DHX30: variants seen among roughly 807,000 people sequenced by gnomAD.
The protein encoded by DHX30 is DExH-box helicase 30.
In DHX30, 4 loss-of-function variants were observed where a neutral mutation model predicts 116.9. That is an observed-to-expected ratio of 0.03 (90% CI 0.02 to 0.08). The LOEUF (loss-of-function observed/expected upper bound fraction) is 0.08, where lower values mean the gene tolerates loss of function less well. Ranked by LOEUF, DHX30 falls within the 10% of genes least tolerant of loss-of-function variation. The probability of loss-of-function intolerance (pLI) is 1.00; values close to 1 mark genes in which losing one functional copy is unlikely to be tolerated. For missense variants in DHX30, 871 were observed against 1,595.1 expected (o/e 0.55, Z 7.73); for synonymous variants, 697 against 651.7 (o/e 1.07, Z -1.06).
At chr3:47,825,144 C>G (rs1339403954) in intron 4 of DHX30, 1 of 673,766 alleles carries the variant, frequency 1.5e-6, no homozygotes. Flanking sequence ...CGCGCGGCTT[C>G]TCTTCAAGCT....
In DHX30 at chr3:47,828,000, A is replaced by C. The variant is rs1283526628; in HGVS notation, c.255+523A>C. Among the ~76,000 whole-genome samples, 3 of 152,184 alleles carry C rather than the reference A, an allele frequency of 2.0e-5. No individual in the cohort carries two copies. In the East Asian group the frequency reaches 5.8e-4, roughly 30 times the overall value. ...CAGCCTCCAAAGTAGCTGGGACTAC[A>C]GACAGGTGCCACCACACTCGTCTAA... On this transcript the variant is annotated intron_variant, in intron 5 of 21. Transcript: ENST00000445061.
At chr3:47,832,436 G>A (rs2036902649) in intron 6 of DHX30, among the ~76,000 whole-genome samples, 1 of 152,036 alleles carries the variant, frequency 6.6e-6, no homozygotes, top group African/African-American at 2.4e-5. Context: ...TCAGCTTCCA[G>A]GTAGCTGGGA....
intron 6 of DHX30, among the ~76,000 whole-genome samples, chr3:47,837,008 C>T (rs1559710569): frequency 1.3e-5 from 2 of 152,190 alleles, no homozygotes; most frequent in South Asian, 2.1e-4. Context: ...GTGAGACGTG[C>T]TGGCAGCACA....
intron 2 of DHX30, among the ~76,000 whole-genome samples, chr3:47,809,981 A>G (rs2035719841): frequency 6.6e-6 from 1 of 152,216 alleles, no homozygotes; most frequent in Non-Finnish European, 1.5e-5. Context: ...CTCTAAGTAT[A>G]GTCCTCAGTT....
chr3:47,836,601 G>C (rs373004883), intron 6 of DHX30, among the ~76,000 whole-genome samples: 4 of 151,630 alleles, frequency 2.6e-5, no homozygotes, highest in Non-Finnish European at 5.9e-5. Flanking sequence ...TCACTGCAAC[G>C]TTCACGTCCT....
At chr3:47,825,011 G>A (rs993724127) in intron 4 of DHX30, 11 of 615,364 alleles carry the variant, frequency 1.8e-5, no homozygotes, top group African/African-American at 1.4e-4. Flanking sequence ...TCCCTGCCGC[G>A]CACAGGCCTC....
chr3:47,818,189 C>A, intron 4 of DHX30, 72 bp downstream of exon 4: 1 of 735,064 alleles, frequency 1.4e-6, no homozygotes, highest in South Asian at 1.5e-5. Flanking sequence ...CAATGGGAGC[C>A]CTGGTGCCAG....
At chr3:47,835,170 ATTTT>A (rs552610417) in intron 6 of DHX30, among the ~76,000 whole-genome samples, 1 of 106,490 alleles carries the variant, frequency 9.4e-6, no homozygotes, top group Non-Finnish European at 2.0e-5. Context: ...TGCCTGGCTA[ATTTT>A]TTTTTTTTTT....
intron 9 of DHX30, among the ~76,000 whole-genome samples, chr3:47,844,938 T>G (rs889936504): frequency 6.6e-6 from 1 of 151,816 alleles, no homozygotes; most frequent in Non-Finnish European, 1.5e-5. Context: ...GGAGGCGGGA[T>G]GGAAGGATTA....
At position 47,803,148 on chromosome 3, in the gene DHX30, C is replaced by A. The variant is rs900260451; in HGVS notation, c.-187C>A. 2 of 393,928 alleles carry A rather than the reference C, an allele frequency of 5.1e-6. No homozygotes were observed. 24.4% of individuals were successfully genotyped at this position (393,928 alleles called of 1,614,324 possible). ...CCGCTGCTGGGAGTTGTAGTCCGGC[C>A]GTGGTTGGGGGAGCCGCGGCTCATG... is the stretch of plus-strand genomic sequence containing the variant. On this transcript the variant is annotated 5_prime_UTR_variant, in exon 1 of 22. Coordinates refer to ENST00000445061, the MANE Select transcript of DHX30 (RefSeq NM_138615.3).
intron 6 of DHX30, among the ~76,000 whole-genome samples, chr3:47,839,646 G>A (rs1446952243): frequency 1.3e-5 from 2 of 151,784 alleles, no homozygotes; most frequent in Non-Finnish European, 2.9e-5. Flanking sequence ...AGTTGTATCC[G>A]TTTCATGGTG....
rs189595738 is a variant in DHX30 at position 47,814,811 on chromosome 3, C to T, written c.29-3211C>T. Among the ~76,000 whole-genome samples the T allele has an allele frequency of 5.4e-3, 815 of 151,998 alleles. 2 individuals are homozygous for T. The highest frequency in any genetic ancestry group is 0.015 in the African/African-American group (628 of 41,426). ...TTGGGATTACAGGTGTGAACCACCA[C>T]GCCCGGCCGTTTTTTGTTAGTTAGT... On this transcript the variant is annotated intron_variant, in intron 3 of 21. Coordinates refer to ENST00000445061, the MANE Select transcript of DHX30 (RefSeq NM_138615.3).
intron 4 of DHX30, chr3:47,825,144 C>T (rs1339403954): frequency 7.4e-6 from 5 of 673,766 alleles, no homozygotes; most frequent in Non-Finnish European, 1.1e-5. Flanking sequence ...CGCGCGGCTT[C>T]TCTTCAAGCT....
Position 47,838,808 on chromosome 3 carries a change from C to A in DHX30, c.367-2069C>A, listed in dbSNP as rs985275095. 2.6e-5 allele frequency among the ~76,000 whole-genome samples: 4 copies of A among 152,220 alleles called. 1 individual carries two copies. Among genetic ancestry groups the A allele is most frequent in the African/African-American group, 9.6e-5 (4 of 41,452 alleles). On this transcript the variant is annotated intron_variant, in intron 6 of 21. Coordinates refer to ENST00000445061, the MANE Select transcript of DHX30 (RefSeq NM_138615.3). ...TCTCCCAGCTGCTCACTCATCTCAC[C>A]CACGTCTTTGTTCCTTAGACCCTGG...
intron 6 of DHX30, among the ~76,000 whole-genome samples, chr3:47,833,642 G>A (rs898804612): frequency 2.0e-5 from 3 of 150,806 alleles, no homozygotes; most frequent in Non-Finnish European, 4.4e-5. Flanking sequence ...GGCGGATCAC[G>A]AGGTCAGGAG....
intron 6 of DHX30, among the ~76,000 whole-genome samples, chr3:47,836,044 G>A (rs949624244): frequency 3.9e-5 from 6 of 152,234 alleles, no homozygotes; most frequent in African/African-American, 1.2e-4. Context: ...GCTCAAAATA[G>A]CAATTATGCT....
chr3:47,817,190 G>C (rs555081108), intron 3 of DHX30, among the ~76,000 whole-genome samples: 2 of 152,304 alleles, frequency 1.3e-5, no homozygotes, highest in South Asian at 4.1e-4. Context: ...GGGGCAAAGA[G>C]AGCAAAGAGT....
intron 6 of DHX30, among the ~76,000 whole-genome samples, chr3:47,840,375 T>C (rs573641619): frequency 2.0e-5 from 3 of 151,614 alleles, no homozygotes; most frequent in Admixed American, 6.6e-5. Context: ...CTTGGTGCGG[T>C]GGCTCATGTC....
At chr3:47,807,356 G>T (rs2035576120) in intron 2 of DHX30, among the ~76,000 whole-genome samples, 1 of 152,006 alleles carries the variant, frequency 6.6e-6, no homozygotes, top group South Asian at 2.1e-4. Context: ...ACAGGAAAAA[G>T]AATGGTACAT....
Sources: allele counts gnomAD v4.1 joint callset (sites outside exome capture counted in the v4.1 genomes callset), GRCh38; gene constraint gnomAD v4.1.1; transcripts MANE v1.5; gene names NCBI Gene and HGNC (gene_info 2026-07-23, HGNC 2026-07-21).